DOCK1: variants seen among roughly 807,000 people sequenced by gnomAD.
DOCK1 encodes dedicator of cytokinesis 1.
In DOCK1, 138 loss-of-function variants were observed where a neutral mutation model predicts 262.7. The observed-to-expected ratio is 0.53, with a 90% CI of 0.46 to 0.61. The LOEUF (loss-of-function observed/expected upper bound fraction) is 0.61. Among genes scored for constraint, DOCK1 ranks in the 20% least tolerant of loss-of-function variants. DOCK1 has a pLI of 0.00. For missense variants in DOCK1, 1,908 were observed against 2,370.7 expected (o/e 0.80, Z 4.05); for synonymous variants, 866 against 867.4 (o/e 1.00, Z 0.03).
At chr10:126,970,069 C>T (rs2037984205) in intron 1 of DOCK1, among the ~76,000 whole-genome samples, 1 of 152,096 alleles carries the variant, frequency 6.6e-6, no homozygotes, top group Non-Finnish European at 1.5e-5. Flanking sequence ...CTTTTTACAC[C>T]TGTGACTGCT....
intron 1 of DOCK1, among the ~76,000 whole-genome samples, chr10:126,949,643 T>C (rs2036010661): frequency 1.3e-5 from 2 of 152,268 alleles, no homozygotes; most frequent in South Asian, 4.2e-4. Context: ...TATAAATTCA[T>C]GTTAGACAGC....
chr10:126,967,372 A>C (rs1401743312), intron 1 of DOCK1, among the ~76,000 whole-genome samples: 1 of 152,084 alleles, frequency 6.6e-6, no homozygotes, highest in Non-Finnish European at 1.5e-5. Flanking sequence ...TGTTTTTCTC[A>C]TGTCACTCAA....
chr10:127,121,071 G>T (rs12261681), intron 25 of DOCK1, among the ~76,000 whole-genome samples: 24,536 of 152,062 alleles, frequency 0.16, 2,390 homozygotes, highest in African/African-American at 0.27. Context: ...CAGCAGGGGG[G>T]ATTGCATTAT....
intron 21 of DOCK1, among the ~76,000 whole-genome samples, chr10:127,050,862 C>T (rs1205808680): frequency 6.6e-6 from 1 of 152,138 alleles, no homozygotes; most frequent in Non-Finnish European, 1.5e-5. Context: ...AAGCTTCTCA[C>T]ATTCCCTAAA....
chr10:127,204,283 T>C (rs2057612390), intron 27 of DOCK1, among the ~76,000 whole-genome samples: 1 of 152,178 alleles, frequency 6.6e-6, no homozygotes, highest in African/African-American at 2.4e-5. Flanking sequence ...AAAATCTGTT[T>C]TGTTTTGTTT....
chr10:127,072,710 C>T (rs925242855), intron 23 of DOCK1, among the ~76,000 whole-genome samples: 4 of 152,144 alleles, frequency 2.6e-5, no homozygotes, highest in Admixed American at 6.5e-5. Flanking sequence ...CCCTTCTGTT[C>T]GTGCAGTACT....
intron 27 of DOCK1, among the ~76,000 whole-genome samples, chr10:127,190,927 C>T (rs781350281): frequency 3.3e-5 from 5 of 151,970 alleles, no homozygotes; most frequent in East Asian, 1.9e-4. Flanking sequence ...CTAGTTATAC[C>T]GCCTTAATCT....
intron 20 of DOCK1, 98 bp downstream of exon 20, chr10:127,042,812 G>T: frequency 7.9e-7 from 1 of 1,269,628 alleles, no homozygotes; most frequent in South Asian, 1.3e-5. Flanking sequence ...CAGTGACCTT[G>T]AACGCATTTT....
chr10:127,171,976 A>C (rs989185872), intron 27 of DOCK1, among the ~76,000 whole-genome samples: 3 of 152,210 alleles, frequency 2.0e-5, no homozygotes, highest in Non-Finnish European at 2.9e-5. Flanking sequence ...AAGTGCTGGG[A>C]TTACAGGCAT....
intron 27 of DOCK1, among the ~76,000 whole-genome samples, chr10:127,229,775 AT>A: frequency 6.6e-6 from 1 of 152,026 alleles, no homozygotes; most frequent in East Asian, 1.9e-4. Flanking sequence ...TCATTTGATG[AT>A]TTTAGTTTTA....
intron 23 of DOCK1, among the ~76,000 whole-genome samples, chr10:127,069,539 ACT>A (rs1294310784): frequency 4.6e-5 from 7 of 152,158 alleles, no homozygotes; most frequent in African/African-American, 1.7e-4. Flanking sequence ...GAGGGGGTGC[ACT>A]GATGGTGTTA....
intron 37 of DOCK1, among the ~76,000 whole-genome samples, chr10:127,384,029 T>G (rs529895293): frequency 6.6e-6 from 1 of 152,288 alleles, no homozygotes; most frequent in Non-Finnish European, 1.5e-5. Flanking sequence ...TAATGTAGAA[T>G]CGCACCATCC....
At chr10:126,984,274 A>G (rs1188657901) in intron 4 of DOCK1, among the ~76,000 whole-genome samples, 1 of 151,688 alleles carries the variant, frequency 6.6e-6, no homozygotes, top group Non-Finnish European at 1.5e-5. Context: ...AATCATCCCC[A>G]CTGTTGGGTG....
intron 26 of DOCK1, 42 bp from the exon 27 acceptor site, chr10:127,127,627 T>C (rs543681501): frequency 7.3e-6 from 11 of 1,504,260 alleles, no homozygotes; most frequent in Non-Finnish European, 1.0e-5. Context: ...TGCATGTTAA[T>C]GTTTCTCTGG....
At chr10:126,939,532 C>T (rs878887419) in intron 1 of DOCK1, among the ~76,000 whole-genome samples, 101,410 of 151,504 alleles carry the variant, frequency 0.67, 34,441 homozygotes, top group African/African-American at 0.75. Context: ...TTTACTTTAA[C>T]TTAAAGTTAT....
At chr10:127,344,510 CTGTT>C (rs772976792) in intron 31 of DOCK1, 12 of 152,298 alleles carry the variant, frequency 7.9e-5, no homozygotes, top group African/African-American at 1.2e-4. Flanking sequence ...TCATCAGTCT[CTGTT>C]TGTCATTTTA....
intron 1 of DOCK1, among the ~76,000 whole-genome samples, chr10:126,948,654 A>G (rs1017043116): frequency 1.3e-5 from 2 of 151,942 alleles, no homozygotes; most frequent in Non-Finnish European, 2.9e-5. Flanking sequence ...AGGGTCAGGT[A>G]TGCTGAGCCA....
At chr10:127,137,786 A>G in intron 27 of DOCK1, 2 of 1,522,546 alleles carry the variant, frequency 1.3e-6, no homozygotes, top group Non-Finnish European at 1.8e-6. Context: ...GTATTGACTT[A>G]AACTCCAGTG....
intron 6 of DOCK1, among the ~76,000 whole-genome samples, chr10:126,991,318 T>C (rs1565038279): frequency 1.3e-5 from 2 of 152,164 alleles, no homozygotes; most frequent in East Asian, 3.9e-4. Context: ...AATGAGGCCA[T>C]GCCCTTTTCC....
Sources: gnomAD v4.1 joint callset for allele counts (sites outside exome capture counted in the v4.1 genomes callset) on GRCh38, gnomAD v4.1.1 for gene constraint, MANE v1.5 for transcripts, NCBI Gene and HGNC (gene_info 2026-07-23, HGNC 2026-07-21) for gene names.